The following PRRC2B variants were observed in gnomAD, a reference collection of about 807,000 sequenced individuals.
PRRC2B encodes proline rich coiled-coil 2B.
PRRC2B carries 68 observed loss-of-function variants against 242.3 expected under a neutral mutation model. The ratio of observed to expected loss-of-function variants is 0.28; its 90% CI spans 0.23 to 0.34. PRRC2B has a LOEUF of 0.34. PRRC2B is among the 10% of genes least tolerant of loss of function. PRRC2B has a pLI of 1.00. For missense variants in PRRC2B, 2,835 were observed against 2,954.8 expected (o/e 0.96, Z 0.94); for synonymous variants, 1,228 against 1,173.6 (o/e 1.05, Z -0.95).
At chr9:131,405,280 C>T (rs180998386) in intron 1 of PRRC2B, among the ~76,000 whole-genome samples, 146 of 152,280 alleles carry the variant, frequency 9.6e-4, no homozygotes, top group African/African-American at 3.3e-3. Context: ...GCGATAGACA[C>T]AGCCAGGTCT....
chr9:131,424,556 C>T (rs1028866738), intron 1 of PRRC2B, among the ~76,000 whole-genome samples: 14 of 152,124 alleles, frequency 9.2e-5, no homozygotes, highest in East Asian at 5.8e-4. Context: ...CGTGGTGGCG[C>T]GCACCTGTAA....
At chr9:131,375,787 G>A (rs1349405944) in intron 1 of PRRC2B, among the ~76,000 whole-genome samples, 2 of 152,138 alleles carry the variant, frequency 1.3e-5, no homozygotes, top group Non-Finnish European at 2.9e-5. Flanking sequence ...CCAGCACTTA[G>A]GGCAGCCTAG....
Position 131,496,250 on chromosome 9 carries a change from C to A in PRRC2B, c.*376C>A, listed in dbSNP as rs1944332192. On this transcript the variant is annotated 3_prime_UTR_variant, in exon 32 of 32. Transcript: ENST00000683519. ...CGGCCCAGCCGCCCATCCCTAGGCA[C>A]AGTGATTTGGCAGCAGGGTCATTTT... 1 of 191,502 alleles carries A rather than the reference C, an allele frequency of 5.2e-6. No individual in the cohort carries two copies. Among genetic ancestry groups the A allele is most frequent in the African/African-American group, 2.3e-5 (1 of 43,028 alleles). The allele number at this position is 191,502 out of a possible 1,614,324, so 11.9% of individuals were successfully genotyped here.
At chr9:131,429,940 T>G in intron 1 of PRRC2B, 154 bp from the exon 2 acceptor site, 1 of 556,162 alleles carries the variant, frequency 1.8e-6, no homozygotes, top group South Asian at 2.4e-5. Context: ...GTGAGAGCAG[T>G]TTTCTAAGGA....
intron 16 of PRRC2B, among the ~76,000 whole-genome samples, chr9:131,477,477 C>T (rs370728964): frequency 2.6e-5 from 4 of 152,188 alleles, no homozygotes; most frequent in African/African-American, 9.6e-5. Context: ...TCTCTCTCCC[C>T]CCTACACTCT....
chr9:131,448,519 G>T, intron 9 of PRRC2B, among the ~76,000 whole-genome samples: 1 of 108,726 alleles, frequency 9.2e-6, no homozygotes, highest in African/African-American at 3.2e-5. Flanking sequence ...ACTCCAGCTT[G>T]GGCGACAGAG....
At chr9:131,395,364 A>AT (rs1837020375) in intron 1 of PRRC2B, among the ~76,000 whole-genome samples, 1 of 151,986 alleles carries the variant, frequency 6.6e-6, no homozygotes, top group South Asian at 2.1e-4. Context: ...CGGTCTTAGC[A>AT]TGGTTTTTCC....
At chr9:131,447,521 A>T (rs1181395243) in intron 8 of PRRC2B, 141 bp from the exon 9 acceptor site, 1 of 951,358 alleles carries the variant, frequency 1.1e-6, no homozygotes, top group African/African-American at 1.6e-5. Context: ...TTTGCTCATT[A>T]TATATTTCTT....
rs539530468 is a variant in PRRC2B, at chr9:131,417,456, C to A, written c.-51-12638C>A. On this transcript the variant is annotated intron_variant, in intron 1 of 31. Transcript: ENST00000683519. ...ACTTGCAGCCTTCAGCCAGTCCCCC[C>A]ACATCTGAGTTCCCACCTTCCCCTT... Among the ~76,000 whole-genome samples, 4 of 152,210 alleles carry A rather than the reference C, an allele frequency of 2.6e-5. No homozygotes were observed. In the East Asian group the frequency reaches 7.7e-4, roughly 29 times the overall value.
Position 131,459,251 on chromosome 9 carries a change from G to C in PRRC2B, c.1299G>C (p.Lys433Asn), listed in dbSNP as rs1943172123. ...CTAAGCGGACTCGAGAGGAAGGGAA[G>C]GACTGGGCTGAAGCAGTGGGTGCGT... Reference protein sequence around the residue: ...ADAKRTREEGKDWAEAVGASR... With the variant: ...ADAKRTREEGNDWAEAVGASR... Residue 433 changes from lysine to asparagine, a missense_variant, in exon 11 of 32, where the codon AAG (lysine) becomes AAC (asparagine). Around this residue, in one of 7 missense-constraint regions of PRRC2B, gnomAD observed 626 missense variants for 685.5 expected, o/e 0.91. Transcript: ENST00000683519. 3 of 1,613,908 alleles carry C rather than the reference G, an allele frequency of 1.9e-6. No homozygotes were observed. Among genetic ancestry groups the C allele is most frequent in the Non-Finnish European group, 1.7e-6 (2 of 1,179,834 alleles).
chr9:131,444,464 G>T (rs185638219), intron 6 of PRRC2B, 136 bp downstream of exon 6: 6 of 910,866 alleles, frequency 6.6e-6, no homozygotes, highest in African/African-American at 3.3e-5. Context: ...GACTCGCCAC[G>T]TGATCTGTGC....
intron 10 of PRRC2B, among the ~76,000 whole-genome samples, chr9:131,457,585 A>G (rs529398405): frequency 2.0e-5 from 3 of 152,146 alleles, no homozygotes; most frequent in East Asian, 1.9e-4. Context: ...CTCATACACA[A>G]TTGGCTCCCA....
chr9:131,381,676 C>T (rs1250811506), intron 1 of PRRC2B, among the ~76,000 whole-genome samples: 1 of 152,042 alleles, frequency 6.6e-6, no homozygotes, highest in African/African-American at 2.4e-5. Context: ...GCCTCGGCCT[C>T]CCAAAGTGCT....
chr9:131,432,123 C>G (rs1017784719), intron 2 of PRRC2B, among the ~76,000 whole-genome samples: 2 of 152,108 alleles, frequency 1.3e-5, no homozygotes, highest in Non-Finnish European at 2.9e-5. Context: ...TTTCATGGTT[C>G]TTGATATTCT....
intron 1 of PRRC2B, among the ~76,000 whole-genome samples, chr9:131,417,049 G>A (rs766419662): frequency 7.9e-5 from 12 of 152,036 alleles, no homozygotes; most frequent in East Asian, 1.9e-4. Flanking sequence ...CTGTGGTCTC[G>A]GGCACACAGC....
chr9:131,388,085 A>G (rs886295352), intron 1 of PRRC2B, among the ~76,000 whole-genome samples: 2 of 149,658 alleles, frequency 1.3e-5, no homozygotes, highest in Non-Finnish European at 3.0e-5. Flanking sequence ...AGGCTGAGGC[A>G]TGAGAATCAT....
At chr9:131,383,867 C>T (rs1365453342) in intron 1 of PRRC2B, among the ~76,000 whole-genome samples, 2 of 151,822 alleles carry the variant, frequency 1.3e-5, no homozygotes, top group African/African-American at 2.4e-5. Context: ...GTAATCCACC[C>T]GCCTCGGCCT....
At position 131,467,552 on chromosome 9, in the gene PRRC2B, A is replaced by G. The variant is rs17458249; in HGVS notation, c.1721-11A>G. On this transcript the variant is annotated splice_polypyrimidine_tract_variant and intron_variant, in intron 12 of 31. Transcript: ENST00000683519. ...CTCACTGTGTCATTTCTCTGCTGGT[A>G]TATTCTCTAGGCTCCCCAGAATTCC... The G allele has an allele frequency of 0.11, 169,726 of 1,581,258 alleles. 10,272 individuals are homozygous for G. The highest frequency in any genetic ancestry group is 0.12 in the Non-Finnish European group (140,928 of 1,162,600).
rs764128780 is a variant in PRRC2B at position 131,487,983 on chromosome 9, T to A, written c.6112T>A (p.Ser2038Thr). Residue 2038 changes from serine (S) to threonine (T), a missense_variant, in exon 28 of 32, where the codon TCT becomes ACT. Ser to Thr is a moderately conservative substitution (Grantham distance 58). Transcript: ENST00000683519. This position sits in a 1 kb window ranked among gnomAD's most constrained non-coding sequence, Gnocchi z 5.3. ...GCCCTTGGAGATGGTGAAGCCGCAG[T>A]CTGGCTCACCCTACCAGCCCATGAG... ...MQPLEMVKPQ[S>T]GSPYQPMSGN... is the part of the protein sequence containing the mutation. The A allele has an allele frequency of 6.2e-7, 1 of 1,612,390 alleles. No homozygotes were observed.
Sources: allele counts gnomAD v4.1 joint callset (sites outside exome capture counted in the v4.1 genomes callset), GRCh38; gene constraint gnomAD v4.1.1; regional missense constraint gnomAD v4.1.1; non-coding constraint Gnocchi (gnomAD v3.1); transcripts MANE v1.5; gene names NCBI Gene and HGNC (gene_info 2026-07-23, HGNC 2026-07-21).